The following PLEKHF1 variants were observed in gnomAD, a reference collection of about 807,000 sequenced individuals.
PLEKHF1 encodes the protein pleckstrin homology and FYVE domain containing 1, also known as pleckstrin homology domain-containing family F member 1.
PLEKHF1 carries 1 observed loss-of-function variant against 4.1 expected under a neutral mutation model. The ratio of observed to expected loss-of-function variants is 0.24; its 90% CI spans 0.09 to 1.15. PLEKHF1 has a LOEUF of 1.15. Among genes scored for constraint, PLEKHF1 ranks in the 50% most tolerant of loss-of-function variants. The probability of loss-of-function intolerance (pLI) is 0.52; values close to 1 mark genes in which losing one functional copy is unlikely to be tolerated. For missense variants in PLEKHF1, 429 were observed against 400.6 expected (o/e 1.07, Z -0.60); for synonymous variants, 182 against 178.5 (o/e 1.02, Z -0.16).
chr19:29,673,620 C>T (rs1971655252), intron 1 of PLEKHF1, among the ~76,000 whole-genome samples: 1 of 152,210 alleles, frequency 6.6e-6, no homozygotes, highest in South Asian at 2.1e-4. Flanking sequence ...GGAAATCCCC[C>T]TTCCCTCCCC....
At chr19:29,670,405 T>C (rs1971617508) in intron 1 of PLEKHF1, among the ~76,000 whole-genome samples, 1 of 152,230 alleles carries the variant, frequency 6.6e-6, no homozygotes, top group South Asian at 2.1e-4. Context: ...GGGCCTGCTT[T>C]ACTTAGCATG....
chr19:29,670,716 C>T (rs1040995144), intron 1 of PLEKHF1, among the ~76,000 whole-genome samples: 16 of 151,010 alleles, frequency 1.1e-4, no homozygotes, highest in Admixed American at 7.2e-4. Flanking sequence ...CTCACTCTGT[C>T]GCCCAGGCTG....
At position 29,670,682 on chromosome 19, in the gene PLEKHF1, CT is replaced by C. The variant is rs914357006; in HGVS notation, c.-16-3129del. 7.2e-3 allele frequency among the ~76,000 whole-genome samples: 1,049 copies of C among 145,240 alleles called. 8 individuals are homozygous for C. Among genetic ancestry groups the C allele is most frequent in the African/African-American group, 0.02 (804 of 40,004 alleles). ...ATCATATGGTAGTTCTGTTTTTAAC[CT>C]TTTTTTTTTTTTGAGACGGAGTCTC... On this transcript the variant is annotated intron_variant, in intron 1 of 1. Transcript: ENST00000436066.
Position 29,674,918 on chromosome 19 carries a change from C to G in PLEKHF1, c.*239C>G. On this transcript the variant is annotated 3_prime_UTR_variant, in exon 2 of 2. Transcript: ENST00000436066. ...CCAGAACACCCACAGGTCTTGGTAA[C>G]AAACGCCACCTTACACTCTGCAGGC... 1 of 582,192 alleles carries G rather than the reference C, an allele frequency of 1.7e-6. No homozygotes were observed. The allele number at this position is 582,192 out of a possible 1,614,324, so 36.1% of individuals were successfully genotyped here.
chr19:29,670,787 C>T (rs962478656), intron 1 of PLEKHF1, among the ~76,000 whole-genome samples: 4 of 152,052 alleles, frequency 2.6e-5, no homozygotes, highest in Non-Finnish European at 5.9e-5. Context: ...ACGCCATTCT[C>T]CTGCCTCAGC....
At chr19:29,665,530 C>A in intron 1 of PLEKHF1, 25 bp downstream of exon 1, 1 of 1,249,304 alleles carries the variant, frequency 8.0e-7, no homozygotes. Context: ...CGTCCCCCGG[C>A]CGGGCTGCGG....
At chr19:29,673,701 G>T (rs1325247812) in intron 1 of PLEKHF1, 123 bp from the exon 2 acceptor site, 2 of 1,322,488 alleles carry the variant, frequency 1.5e-6, no homozygotes, top group Non-Finnish European at 2.1e-6. Flanking sequence ...CAGGCCTGCG[G>T]GTTACTGTGC....
rs1971627297 is a variant in PLEKHF1, at chr19:29,671,093, T to C, written c.-16-2731T>C. Among the ~76,000 whole-genome samples, 2 of 151,852 alleles carry C rather than the reference T, an allele frequency of 1.3e-5. No individual in the cohort carries two copies. Among genetic ancestry groups the C allele is most frequent in the Non-Finnish European group, 2.9e-5 (2 of 67,962 alleles). ...CTTGTTATTTATTTTTTGTTTTGTT[T>C]TTTTCCCCTCCTTTTTTTTTTTTTG... On this transcript the variant is annotated intron_variant, in intron 1 of 1. Transcript: ENST00000436066. This position sits in a 1 kb window ranked among gnomAD's most constrained non-coding sequence, Gnocchi z 4.0.
At chr19:29,665,769 G>A (rs898586648) in intron 1 of PLEKHF1, 1 of 1,081,810 alleles carries the variant, frequency 9.2e-7, no homozygotes, top group Non-Finnish European at 1.1e-6. Flanking sequence ...AATCCCCGGG[G>A]AAACGCGCAG....
At chr19:29,667,069 C>T (rs1053253513) in intron 1 of PLEKHF1, 2 of 152,686 alleles carry the variant, frequency 1.3e-5, no homozygotes, top group Non-Finnish European at 2.9e-5. Flanking sequence ...ATCTGTCCTC[C>T]TTGCCCCATC....
In PLEKHF1 at chr19:29,674,487, G is replaced by T. The variant is rs756909268; in HGVS notation, c.648G>T (p.Arg216=). Reference sequence around the variant, plus strand: ...ACCGCGAACTGGCCGCCCAGCAGCGGCAGGAGGAGGCGGAGGAGCAGGGCG... The same window carrying T: ...ACCGCGAACTGGCCGCCCAGCAGCGTCAGGAGGAGGCGGAGGAGCAGGGCG... ...LCYRELAAQQ[R]QEEAEEQGAG... is the part of the protein sequence containing the mutation. The change falls in exon 2 of 2, where the codon CGG becomes CGT. Residue 216 remains arginine, a synonymous_variant. Transcript: ENST00000436066. 1.7e-5 allele frequency: 27 copies of T among 1,546,066 alleles called. No individual in the cohort carries two copies. In the African/African-American group the frequency reaches 3.4e-4, roughly 20 times the overall value.
intron 1 of PLEKHF1, chr19:29,665,747 C>T (rs915716684): frequency 8.4e-6 from 9 of 1,072,438 alleles, no homozygotes; most frequent in Non-Finnish European, 9.1e-6. Context: ...GGGGTCAGAG[C>T]GTCCGAGGCG....
chr19:29,670,740 C>T (rs902525395), intron 1 of PLEKHF1, among the ~76,000 whole-genome samples: 6 of 151,882 alleles, frequency 4.0e-5, no homozygotes, highest in African/African-American at 9.7e-5. Flanking sequence ...CACAGTGGCG[C>T]GATCTCGGCT....
intron 1 of PLEKHF1, 24 bp from the exon 2 acceptor site, chr19:29,673,800 C>T (rs367627231): frequency 2.6e-6 from 4 of 1,567,400 alleles, no homozygotes; most frequent in Non-Finnish European, 3.5e-6. Context: ...CCTGGACATA[C>T]TCCTTGTCTG....
At chr19:29,667,879 T>C (rs1971587407) in intron 1 of PLEKHF1, among the ~76,000 whole-genome samples, 1 of 152,196 alleles carries the variant, frequency 6.6e-6, no homozygotes, top group Non-Finnish European at 1.5e-5. Context: ...GCAAATAGTT[T>C]AGGTTTTGCC....
Position 29,674,067 on chromosome 19 carries a change from C to G in PLEKHF1, c.228C>G (p.Ser76Arg). 2 of 1,614,132 alleles carry G rather than the reference C, an allele frequency of 1.2e-6. No individual in the cohort carries two copies. Among genetic ancestry groups the G allele is most frequent in the Non-Finnish European group, 1.7e-6 (2 of 1,180,016 alleles). ...TGCTCAACAAGCGCAAGTACCGCAG[C>G]CAGCACATCATCCCCCTGGAGGAGG... ...SIVLNKRKYR[S>R]QHIIPLEEVT... Residue 76 changes from serine (S) to arginine (R), a missense_variant, in exon 2 of 2, where the codon AGC becomes AGG. Physicochemically the swap from Ser to Arg is moderately radical, Grantham distance 110. Coordinates refer to ENST00000436066, the MANE Select transcript of PLEKHF1 (RefSeq NM_024310.5).
intron 1 of PLEKHF1, among the ~76,000 whole-genome samples, chr19:29,673,493 C>G (rs923118217): frequency 2.0e-5 from 3 of 152,106 alleles, no homozygotes; most frequent in Non-Finnish European, 4.4e-5. Context: ...CGAGCCTCCT[C>G]TTGCCTCAGC....
Position 29,674,776 on chromosome 19 carries a change from C to T in PLEKHF1, c.*97C>T. The T allele has an allele frequency of 6.8e-7, 1 of 1,464,214 alleles. No individual in the cohort carries two copies. Among genetic ancestry groups the T allele is most frequent in the Non-Finnish European group, 9.0e-7 (1 of 1,105,798 alleles). 90.7% of individuals were successfully genotyped at this position (1,464,214 alleles called of 1,614,324 possible). On this transcript the variant is annotated 3_prime_UTR_variant, in exon 2 of 2. Coordinates refer to ENST00000436066, the MANE Select transcript of PLEKHF1 (RefSeq NM_024310.5). ...GCTGCCCAGGGCTCCGGGACCCCATCCCATGGTGGCAGGTGCAGCGGTGGG... is the reference window on the plus strand; with the variant it reads ...GCTGCCCAGGGCTCCGGGACCCCATTCCATGGTGGCAGGTGCAGCGGTGGG...
rs2145583625 is a variant in PLEKHF1, at chr19:29,665,470, T to C, written c.-52T>C. On this transcript the variant is annotated 5_prime_UTR_variant, in exon 1 of 2. Coordinates refer to ENST00000436066, the MANE Select transcript of PLEKHF1 (RefSeq NM_024310.5). ...GGCGGGGACCCGGGCTACTGCGGTG[T>C]GGACTCGAGGGCTGGGCGCGGGGCC... The C allele has an allele frequency of 2.1e-6, 2 of 967,476 alleles. No homozygotes were observed. Among genetic ancestry groups the C allele is most frequent in the South Asian group, 3.2e-5 (2 of 62,286 alleles). 59.9% of individuals were successfully genotyped at this position (967,476 alleles called of 1,614,324 possible).
Sources: allele counts gnomAD v4.1 joint callset (sites outside exome capture counted in the v4.1 genomes callset), GRCh38; gene constraint gnomAD v4.1.1; non-coding constraint Gnocchi (gnomAD v3.1); transcripts MANE v1.5; gene names NCBI Gene and HGNC (gene_info 2026-07-23, HGNC 2026-07-21).